The following SUPT3H variants were observed in gnomAD, a reference collection of about 807,000 sequenced individuals.
SUPT3H encodes the protein transcription initiation protein SPT3 homolog.
A neutral mutation model predicts 44.3 loss-of-function variants in SUPT3H; 44 were observed. The observed-to-expected ratio is 0.99, with a 90% confidence interval of 0.78 to 1.28. The LOEUF (loss-of-function observed/expected upper bound fraction) is 1.28, where lower values mean the gene tolerates loss of function less well. Ranked by LOEUF, SUPT3H falls within the 50% of genes most tolerant of loss-of-function variation. SUPT3H has a pLI of 0.00. For synonymous variants in SUPT3H, 124 were observed against 125.6 expected (o/e 0.99, Z 0.09); for missense variants, 380 against 387.1 (o/e 0.98, Z 0.15).
chr6:45,185,686 T>C (rs1459028405), intron 2 of SUPT3H, among the ~76,000 whole-genome samples: 2 of 152,246 alleles, frequency 1.3e-5, no homozygotes, highest in East Asian at 3.8e-4. Context: ...CCCAGACTTT[T>C]CCTTTGTTCT....
Position 45,224,094 on chromosome 6 carries a change from T to C in SUPT3H, c.102-118088A>G, listed in dbSNP as rs187603853. On this transcript the variant is annotated intron_variant, in intron 2 of 10. Coordinates refer to ENST00000371459, the MANE Select transcript of SUPT3H (RefSeq NM_003599.4). ...TCCATAAAGAACCAAAGGCAATATA[T>C]TTTCAGTTAGAATTCACTCACAGGA... is the stretch of plus-strand genomic sequence containing the variant. 1.2e-4 allele frequency among the ~76,000 whole-genome samples: 18 copies of C among 150,640 alleles called. No individual in the cohort carries two copies. The East Asian group carries it at 3.3e-3, about 28-fold the overall frequency.
chr6:45,372,823 T>A (rs1164085659), intron 1 of SUPT3H, among the ~76,000 whole-genome samples: 1 of 151,954 alleles, frequency 6.6e-6, no homozygotes, highest in Non-Finnish European at 1.5e-5. Context: ...CAAGCTCAGC[T>A]ACATTTTTTT....
chr6:45,271,796 T>G (rs1776213589), intron 2 of SUPT3H, among the ~76,000 whole-genome samples: 1 of 152,068 alleles, frequency 6.6e-6, no homozygotes, highest in African/African-American at 2.4e-5. Context: ...AGACACTCAA[T>G]TCCACCCCAT....
At chr6:45,287,679 G>A (rs1278506174) in intron 2 of SUPT3H, among the ~76,000 whole-genome samples, 1 of 152,156 alleles carries the variant, frequency 6.6e-6, no homozygotes, top group Admixed American at 6.6e-5. Context: ...AAGTTCTGGA[G>A]ATGAATAGGT....
chr6:44,955,945 C>T (rs1472495841), intron 7 of SUPT3H, among the ~76,000 whole-genome samples: 8 of 150,752 alleles, frequency 5.3e-5, no homozygotes, highest in African/African-American at 2.0e-4. Context: ...ATGGTGAAAC[C>T]CCGTCTCTAC....
chr6:44,905,085 A>G (rs75788226), intron 10 of SUPT3H, among the ~76,000 whole-genome samples: 51,597 of 151,776 alleles, frequency 0.34, 9,581 homozygotes, highest in Admixed American at 0.42. Context: ...AAACCTAGGC[A>G]ATACCATTCA....
At chr6:45,232,272 C>T (rs1025093871) in intron 2 of SUPT3H, among the ~76,000 whole-genome samples, 6 of 152,146 alleles carry the variant, frequency 3.9e-5, no homozygotes, top group South Asian at 4.1e-4. Context: ...CTTTGATTAT[C>T]GGTGTGTGCA....
intron 3 of SUPT3H, among the ~76,000 whole-genome samples, chr6:45,057,090 C>T (rs567501406): frequency 9.2e-5 from 14 of 151,904 alleles, no homozygotes; most frequent in South Asian, 8.3e-4. Context: ...CTTTCTAAAA[C>T]GTAAAGAATA....
chr6:45,299,077 T>C (rs1316494911), intron 2 of SUPT3H, among the ~76,000 whole-genome samples: 1 of 151,970 alleles, frequency 6.6e-6, no homozygotes, highest in Non-Finnish European at 1.5e-5. Context: ...CCAGGAGCAG[T>C]GGTCACACCT....
At chr6:45,352,214 AT>A (rs1792212099) in intron 2 of SUPT3H, among the ~76,000 whole-genome samples, 1 of 152,226 alleles carries the variant, frequency 6.6e-6, no homozygotes, top group East Asian at 1.9e-4. Flanking sequence ...GGACTTACAA[AT>A]AACCTTTGAT....
chr6:44,903,290 T>C (rs528473553), intron 10 of SUPT3H, among the ~76,000 whole-genome samples: 2 of 152,090 alleles, frequency 1.3e-5, no homozygotes, highest in Non-Finnish European at 2.9e-5. Context: ...CTAGCAAGAC[T>C]AATAAAGAAG....
chr6:44,833,052 A>G (rs1308133138), intron 10 of SUPT3H, among the ~76,000 whole-genome samples: 1 of 152,176 alleles, frequency 6.6e-6, no homozygotes, highest in Non-Finnish European at 1.5e-5. Context: ...CGACTTAAAT[A>G]TTACTGCGTA....
At chr6:45,045,186 T>C (rs912151116) in intron 3 of SUPT3H, among the ~76,000 whole-genome samples, 15 of 152,112 alleles carry the variant, frequency 9.9e-5, no homozygotes, top group African/African-American at 3.6e-4. Flanking sequence ...AACCTTAGAA[T>C]TTCAAGAAAC....
chr6:45,098,732 CCTTT>C (rs1199234129), intron 3 of SUPT3H: 4 of 432,128 alleles, frequency 9.3e-6, no homozygotes, highest in Non-Finnish European at 1.8e-5. Flanking sequence ...TGGATAATAC[CCTTT>C]CTGAGACAGA....
intron 11 of SUPT3H, among the ~76,000 whole-genome samples, chr6:44,813,154 G>A (rs1766650674): frequency 6.6e-6 from 1 of 152,126 alleles, no homozygotes; most frequent in South Asian, 2.1e-4. Flanking sequence ...CCATCTGCCT[G>A]CCAGAAAATT....
At chr6:44,949,435 A>C (rs1267017580) in intron 9 of SUPT3H, among the ~76,000 whole-genome samples, 1 of 148,480 alleles carries the variant, frequency 6.7e-6, no homozygotes, top group African/African-American at 2.4e-5. Flanking sequence ...GAATATTGTC[A>C]AAAAAAAGAA....
chr6:44,847,964 T>TA, intron 10 of SUPT3H, among the ~76,000 whole-genome samples: 1 of 132,424 alleles, frequency 7.6e-6, no homozygotes, highest in Non-Finnish European at 1.6e-5. Context: ...GTGTCTTTTT[T>TA]TTTTTTTTTT....
intron 2 of SUPT3H, among the ~76,000 whole-genome samples, chr6:45,179,869 G>C (rs183279852): frequency 8.5e-5 from 13 of 152,254 alleles, no homozygotes; most frequent in Admixed American, 6.5e-4. Flanking sequence ...GTTCTGTCCA[G>C]GGCAATTAGG....
At chr6:45,100,010 C>T (rs889424820) in intron 3 of SUPT3H, among the ~76,000 whole-genome samples, 4 of 151,910 alleles carry the variant, frequency 2.6e-5, no homozygotes, top group Non-Finnish European at 2.9e-5. Context: ...TTTCAATAAA[C>T]GGTGCTGGAA....
Sources: gnomAD v4.1 joint callset for allele counts (sites outside exome capture counted in the v4.1 genomes callset) on GRCh38, gnomAD v4.1.1 for gene constraint, MANE v1.5 for transcripts, NCBI Gene and HGNC (gene_info 2026-07-23, HGNC 2026-07-21) for gene names.